DGKB: variants seen among roughly 807,000 people sequenced by gnomAD.
DGKB encodes the protein diacylglycerol kinase beta.
In DGKB, 67 loss-of-function variants were observed where a neutral mutation model predicts 114.3. The ratio of observed to expected loss-of-function variants is 0.59; its 90% confidence interval spans 0.48 to 0.72. DGKB has a LOEUF of 0.72. DGKB is among the 30% of genes least tolerant of loss of function. The pLI is 0.00. For synonymous variants in DGKB, 398 were observed against 323.1 expected, an observed-to-expected ratio of 1.23 and a Z score of -2.49; for missense variants, 907 against 975.2, an observed-to-expected ratio of 0.93 and a Z score of 0.93.
intron 21 of DGKB, among the ~76,000 whole-genome samples, chr7:14,433,296 A>G (rs932375851): frequency 9.2e-5 from 14 of 152,116 alleles, no homozygotes; most frequent in Admixed American, 2.6e-4. Flanking sequence ...TCTCAATCCA[A>G]TTTCCTCCAC....
chr7:14,967,462 A>G (rs1787220369), intron 1 of DGKB, among the ~76,000 whole-genome samples: 1 of 151,922 alleles, frequency 6.6e-6, no homozygotes, highest in Non-Finnish European at 1.5e-5. Context: ...CTGGGATTGT[A>G]GGCATGCACC....
At chr7:14,393,996 A>G (rs976208579) in intron 21 of DGKB, among the ~76,000 whole-genome samples, 3 of 152,128 alleles carry the variant, frequency 2.0e-5, no homozygotes, top group African/African-American at 7.2e-5. Context: ...AAAAAAAAAA[A>G]GTAAGCACTT....
intron 5 of DGKB, among the ~76,000 whole-genome samples, chr7:14,734,020 C>CGTGTGTGTGTGTGT (rs71004332): frequency 2.7e-5 from 4 of 148,184 alleles, no homozygotes; most frequent in African/African-American, 9.9e-5. Context: ...TATACCAACA[C>CGTGTGTGTGTGTGT]GTGTGTGTGT....
intron 21 of DGKB, 48 bp from the exon 22 acceptor site, chr7:14,345,439 G>T: frequency 2.0e-6 from 2 of 993,936 alleles, no homozygotes; most frequent in South Asian, 1.4e-5. Context: ...CAATAACAGA[G>T]GGATCTTTTA....
At chr7:14,581,429 C>A (rs1799915748) in intron 18 of DGKB, among the ~76,000 whole-genome samples, 1 of 152,148 alleles carries the variant, frequency 6.6e-6, no homozygotes, top group African/African-American at 2.4e-5. Context: ...AAATTGCTAA[C>A]AATGTCCTTG....
chr7:14,352,114 A>G (rs1250569555), intron 21 of DGKB, among the ~76,000 whole-genome samples: 1 of 152,192 alleles, frequency 6.6e-6, no homozygotes. Context: ...GTTAAGTCCC[A>G]GGGAGACAAT....
At chr7:14,803,560 G>T (rs1369115781) in intron 2 of DGKB, among the ~76,000 whole-genome samples, 1 of 151,952 alleles carries the variant, frequency 6.6e-6, no homozygotes, top group Non-Finnish European at 1.5e-5. Flanking sequence ...GAATCAAATG[G>T]CTTTCTGTTT....
chr7:14,360,393 C>G (rs931532661), intron 21 of DGKB, among the ~76,000 whole-genome samples: 8 of 151,932 alleles, frequency 5.3e-5, no homozygotes, highest in African/African-American at 1.7e-4. Flanking sequence ...AGCAAGCTAA[C>G]ATGGCACATG....
chr7:14,268,671 C>T (rs996465958), intron 23 of DGKB, among the ~76,000 whole-genome samples: 1 of 152,086 alleles, frequency 6.6e-6, no homozygotes, highest in African/African-American at 2.4e-5. Context: ...GAAATTTTGC[C>T]TTTCCTTTAA....
intron 1 of DGKB, among the ~76,000 whole-genome samples, chr7:14,937,340 G>A (rs1383648172): frequency 6.6e-6 from 1 of 151,800 alleles, no homozygotes; most frequent in Non-Finnish European, 1.5e-5. Flanking sequence ...AGACAATCAT[G>A]TATATCTATA....
At chr7:14,330,493 C>T (rs183977580) in intron 23 of DGKB, among the ~76,000 whole-genome samples, 74 of 152,068 alleles carry the variant, frequency 4.9e-4, no homozygotes, top group Non-Finnish European at 9.4e-4. Flanking sequence ...TAAATGATTA[C>T]TTACCTGTTA....
chr7:14,292,545 A>C (rs1252488706), intron 23 of DGKB, among the ~76,000 whole-genome samples: 1 of 152,182 alleles, frequency 6.6e-6, no homozygotes, highest in Non-Finnish European at 1.5e-5. Flanking sequence ...GAGCCCCCAA[A>C]TAGGAAACTA....
chr7:14,427,553 T>C (rs1452982512), intron 21 of DGKB, among the ~76,000 whole-genome samples: 2 of 152,144 alleles, frequency 1.3e-5, no homozygotes, highest in East Asian at 3.9e-4. Context: ...ATTTTCACGC[T>C]GCTGATAGAG....
At chr7:14,481,332 TC>T (rs1177932171) in intron 20 of DGKB, among the ~76,000 whole-genome samples, 1 of 152,008 alleles carries the variant, frequency 6.6e-6, no homozygotes, top group African/African-American at 2.4e-5. Flanking sequence ...CTGAATATTT[TC>T]TATGGATCAT....
At chr7:14,680,123 A>G (rs1424356608) in intron 12 of DGKB, among the ~76,000 whole-genome samples, 1 of 151,962 alleles carries the variant, frequency 6.6e-6, no homozygotes, top group Non-Finnish European at 1.5e-5. Flanking sequence ...GAGTTTAGTA[A>G]GAGGGCAGCC....
intron 25 of DGKB, among the ~76,000 whole-genome samples, chr7:14,150,043 G>A (rs912895327): frequency 1.3e-5 from 2 of 152,024 alleles, no homozygotes; most frequent in East Asian, 3.9e-4. Flanking sequence ...CTAATTGAAA[G>A]CAATTATCAA....
At chr7:14,586,464 G>C (rs759646120) in intron 17 of DGKB, among the ~76,000 whole-genome samples, 2 of 152,112 alleles carry the variant, frequency 1.3e-5, no homozygotes, top group Non-Finnish European at 2.9e-5. Context: ...CAAGTGCTGA[G>C]GAAGAAGTGG....
chr7:14,261,331 C>T (rs1031424555), intron 23 of DGKB, among the ~76,000 whole-genome samples: 21 of 151,204 alleles, frequency 1.4e-4, no homozygotes, highest in Admixed American at 1.2e-3. Context: ...GTTTTTAAAT[C>T]AATGATTTTA....
chr7:14,417,130 C>T (rs1003950731), intron 21 of DGKB, among the ~76,000 whole-genome samples: 1 of 152,198 alleles, frequency 6.6e-6, no homozygotes, highest in East Asian at 1.9e-4. Context: ...CAGAACGACA[C>T]TTAAGTTCTC....
Sources: gnomAD v4.1 joint callset for allele counts (sites outside exome capture counted in the v4.1 genomes callset) on GRCh38, gnomAD v4.1.1 for gene constraint, MANE v1.5 for transcripts, NCBI Gene and HGNC (gene_info 2026-07-23, HGNC 2026-07-21) for gene names.